The following MYO10 variants were observed in gnomAD, a reference collection of about 807,000 sequenced individuals.
The protein encoded by MYO10 is unconventional myosin-X.
In MYO10, 133 loss-of-function variants were observed where a neutral mutation model predicts 257.3. The ratio of observed to expected loss-of-function variants is 0.52; its 90% CI spans 0.45 to 0.60. The LOEUF is 0.60. Ranked by LOEUF, MYO10 falls within the 20% of genes least tolerant of loss-of-function variation. The pLI, the probability that MYO10 is intolerant of heterozygous loss-of-function variation, is 0.00. For synonymous variants in MYO10, 1,104 were observed against 1,028.6 expected, an observed-to-expected ratio of 1.07 and a Z score of -1.40; for missense variants, 2,399 against 2,635.7, an observed-to-expected ratio of 0.91 and a Z score of 1.97.
intron 1 of MYO10, among the ~76,000 whole-genome samples, chr5:16,911,288 C>T (rs1055205014): frequency 2.6e-5 from 4 of 152,136 alleles, no homozygotes; most frequent in Non-Finnish European, 5.9e-5. Context: ...CTAAACCAAC[C>T]CAAAGGAAAA....
At position 16,671,555 on chromosome 5, in the gene MYO10, G is replaced by A. The variant is rs367545044; in HGVS notation, c.5310-13C>T. On this transcript the variant is annotated splice_polypyrimidine_tract_variant and intron_variant, in intron 37 of 40. Transcript: ENST00000513610. ...TGTGGCAGCCAGCCTACAGAGAGGAGTCAAGAGAGGCTCAGAATATGAACG... is the reference window on the plus strand; with the variant it reads ...TGTGGCAGCCAGCCTACAGAGAGGAATCAAGAGAGGCTCAGAATATGAACG... The A allele has an allele frequency of 1.4e-4, 223 of 1,613,816 alleles. No individual in the cohort carries two copies. Among genetic ancestry groups the A allele is most frequent in the Non-Finnish European group, 1.8e-4 (216 of 1,179,856 alleles).
At position 16,713,606 on chromosome 5, in the gene MYO10, T is replaced by C. The variant is rs186213279; in HGVS notation, c.1930-2361A>G. ...TCGAGATCCAGGCTCCCATTGCGAT[T>C]GTGTCCCTGCCCCTTCCCAGTAACT... On this transcript the variant is annotated intron_variant, in intron 19 of 40. Coordinates refer to ENST00000513610, the MANE Select transcript of MYO10 (RefSeq NM_012334.3). 252 of 635,784 alleles carry C rather than the reference T, an allele frequency of 4.0e-4. 1 individual carries two copies. The Admixed American group carries it at 0.011, about 28-fold the overall frequency. 39.4% of individuals were successfully genotyped at this position (635,784 alleles called of 1,614,324 possible).
intron 23 of MYO10, 39 bp from the exon 24 acceptor site, chr5:16,702,627 A>G (rs917101417): frequency 2.6e-6 from 4 of 1,533,626 alleles, no homozygotes; most frequent in Non-Finnish European, 1.8e-6. Flanking sequence ...CAACAACAAT[A>G]ACCCTGGAAC....
rs200250147 is a variant in MYO10, at chr5:16,863,432, A to AT, written c.120+14176dup. On this transcript the variant is annotated intron_variant, in intron 2 of 40. Coordinates refer to ENST00000513610, the MANE Select transcript of MYO10 (RefSeq NM_012334.3). Reference sequence around the variant, plus strand: ...AGAGACCTCCTGGTCTCACCCATGGATTTTTCAGTGGTGCTGGGAACAAGG... The same window carrying AT: ...AGAGACCTCCTGGTCTCACCCATGGATTTTTTCAGTGGTGCTGGGAACAAGG... Among the ~76,000 whole-genome samples the AT allele has an allele frequency of 5.1e-3, 777 of 152,214 alleles. 11 individuals are homozygous for AT. Among genetic ancestry groups the AT allele is most frequent in the African/African-American group, 0.018 (739 of 41,538 alleles).
At chr5:16,848,732 C>T (rs890018329) in intron 2 of MYO10, among the ~76,000 whole-genome samples, 2 of 151,210 alleles carry the variant, frequency 1.3e-5, no homozygotes, top group Non-Finnish European at 2.9e-5. Context: ...GCTAGTTTGT[C>T]TACAGCGGCA....
chr5:16,833,393 T>C (rs566293190), intron 2 of MYO10, among the ~76,000 whole-genome samples: 1 of 152,130 alleles, frequency 6.6e-6, no homozygotes, highest in African/African-American at 2.4e-5. Context: ...TTTGTATTAT[T>C]AGTAGAGACG....
In MYO10 at chr5:16,935,830, T is replaced by A; in HGVS notation, c.-22A>T. ...CCATTGTTCCAGCGCAGTCCCGGAC[T>A]CGCCGAGTGCCGCTCCGACTCGCGG... On this transcript the variant is annotated 5_prime_UTR_variant, in exon 1 of 41. Coordinates refer to ENST00000513610, the MANE Select transcript of MYO10 (RefSeq NM_012334.3). 6.2e-7 allele frequency: 1 copy of A among 1,612,332 alleles called. No homozygotes were observed. Among genetic ancestry groups the A allele is most frequent in the Non-Finnish European group, 8.5e-7 (1 of 1,179,408 alleles).
chr5:16,865,328 G>A (rs1207987459), intron 2 of MYO10, among the ~76,000 whole-genome samples: 1 of 152,154 alleles, frequency 6.6e-6, no homozygotes, highest in African/African-American at 2.4e-5. Flanking sequence ...GATATTCATA[G>A]CACGTGGCCA....
Position 16,699,518 on chromosome 5 carries a change from G to A in MYO10, c.3488C>T (p.Ser1163Leu), listed in dbSNP as rs1737926314. Residue 1163 changes from serine to leucine, a missense_variant, in exon 26 of 41, where the codon TCA (serine) becomes TTA (leucine). Ser to Leu is a moderately radical substitution (Grantham distance 145). Around this residue, in one of 3 missense-constraint regions of MYO10, gnomAD observed 1,820 missense variants for 1,939.4 expected, o/e 0.94. Transcript: ENST00000513610. ...DSRFDTDDEL[S>L]YRRDSVYSCV... ...GCTGTACACAGAGTCACGCCGGTAT[G>A]AAAGCTCATCATCTGTATCAAACCT... 7 of 1,613,800 alleles carry A rather than the reference G, an allele frequency of 4.3e-6. 1 individual carries two copies. The South Asian group carries it at 5.5e-5, about 13-fold the overall frequency.
In MYO10 at chr5:16,681,353, A is replaced by G; in HGVS notation, c.4340T>C (p.Leu1447Pro). The change falls in exon 32 of 41, where the codon CTC becomes CCC. Residue 1447 changes from leucine (L) to proline (P), a missense_variant. Coordinates refer to ENST00000513610, the MANE Select transcript of MYO10 (RefSeq NM_012334.3). Reference sequence around the variant, plus strand: ...CTCATCTGGGGGGACGACAGAGCAGAGGCTGTTGAGGACCAGGGTCCCCAG... The same window carrying G: ...CTCATCTGGGGGGACGACAGAGCAGGGGCTGTTGAGGACCAGGGTCCCCAG... ...LKLGTLVLNS[L>P]CSVVPPDEKI... 6.2e-7 allele frequency: 1 copy of G among 1,613,894 alleles called. No homozygotes were observed. Among genetic ancestry groups the G allele is most frequent in the Non-Finnish European group, 8.5e-7 (1 of 1,179,876 alleles).
chr5:16,685,640 T>C, intron 29 of MYO10, 98 bp downstream of exon 29: 1 of 902,604 alleles, frequency 1.1e-6, no homozygotes, highest in Non-Finnish European at 1.7e-6. Context: ...AAAAAGACTG[T>C]CTGGAAATTC....
intron 21 of MYO10, among the ~76,000 whole-genome samples, chr5:16,708,359 G>A (rs1476040984): frequency 3.9e-5 from 6 of 152,132 alleles, no homozygotes; most frequent in Non-Finnish European, 7.3e-5. Context: ...GTAAACTGAG[G>A]ACAACGCCCA....
chr5:16,851,816 G>A (rs1450391294), intron 2 of MYO10, among the ~76,000 whole-genome samples: 1 of 152,122 alleles, frequency 6.6e-6, no homozygotes. Flanking sequence ...ACTTTGGGAG[G>A]CCAAGGCGGG....
At chr5:16,784,370 G>A (rs1046094712) in intron 4 of MYO10, among the ~76,000 whole-genome samples, 5 of 152,204 alleles carry the variant, frequency 3.3e-5, no homozygotes, top group African/African-American at 1.2e-4. Flanking sequence ...TGTAGGAAAC[G>A]CAGCTCTGGA....
chr5:16,674,309 A>G (rs1178777194), intron 35 of MYO10, among the ~76,000 whole-genome samples: 3 of 152,132 alleles, frequency 2.0e-5, no homozygotes, highest in African/African-American at 7.2e-5. Context: ...CTCTACTAAA[A>G]GTACAAAAAA....
In MYO10 at chr5:16,703,034, C is replaced by T; in HGVS notation, c.2401G>A (p.Gly801Ser). ...AAIVFQKQLR[G>S]QIARRVYRQL... ...CTGTAAACTCTCCGAGCAATCTGAC[C>T]TCTGAGTTGCTTCTGGAAAACTATG... Residue 801 changes from glycine (G) to serine (S), a missense_variant, in exon 23 of 41, where the codon GGT (glycine) becomes AGT (serine). This residue lies in a region of MYO10 where 1,820 missense variants were observed against 1,939.4 expected (regional missense o/e 0.94). Coordinates refer to ENST00000513610, the MANE Select transcript of MYO10 (RefSeq NM_012334.3). 1 of 1,553,764 alleles carries T rather than the reference C, an allele frequency of 6.4e-7. No homozygotes were observed.
intron 1 of MYO10, among the ~76,000 whole-genome samples, chr5:16,883,359 C>T (rs78679080): frequency 0.024 from 3,701 of 152,268 alleles, 58 homozygotes; most frequent in Middle Eastern, 0.034. Context: ...ACCACCACAA[C>T]CCCATAATGA....
chr5:16,793,622 CAATA>C lies in MYO10; in HGVS notation c.467+1020_467+1023del, dbSNP rs916210668. Among the ~76,000 whole-genome samples, 65 of 150,904 alleles carry C rather than the reference CAATA, an allele frequency of 4.3e-4. 1 individual carries two copies. The highest frequency in any genetic ancestry group is 1.4e-3 in the African/African-American group (58 of 41,394). ...ACAAGTGTGAGCCATTGTGCCCAGC[CAATA>C]AATATTTATTTTAAAAATACTCGCC... On this transcript the variant is annotated intron_variant, in intron 4 of 40. Transcript: ENST00000513610.
chr5:16,912,823 C>G (rs527622910), intron 1 of MYO10, among the ~76,000 whole-genome samples: 32 of 145,284 alleles, frequency 2.2e-4, no homozygotes, highest in South Asian at 6.8e-4. Flanking sequence ...CACACACACA[C>G]ACACACACAC....
Sources: allele counts gnomAD v4.1 joint callset (sites outside exome capture counted in the v4.1 genomes callset), GRCh38; gene constraint gnomAD v4.1.1; regional missense constraint gnomAD v4.1.1; transcripts MANE v1.5; gene names NCBI Gene and HGNC (gene_info 2026-07-23, HGNC 2026-07-21).